STX2: variants seen among roughly 807,000 people sequenced by gnomAD.
STX2 encodes the protein syntaxin-2.
In STX2, 27 loss-of-function variants were observed where a neutral mutation model predicts 40.6. The observed-to-expected ratio is 0.66, with a 90% CI of 0.49 to 0.92. The LOEUF is 0.92. Among genes scored for constraint, STX2 ranks in the 40% least tolerant of loss-of-function variants. STX2 has a pLI of 0.00. For missense variants in STX2, 328 were observed against 366.1 expected (o/e 0.90, Z 0.85); for synonymous variants, 123 against 119.1 (o/e 1.03, Z -0.22).
intron 5 of STX2, among the ~76,000 whole-genome samples, chr12:130,808,345 C>T (rs1207769947): frequency 6.6e-6 from 1 of 152,154 alleles, no homozygotes; most frequent in Non-Finnish European, 1.5e-5. Context: ...CTCCTGCCCG[C>T]TCTTTCCCCT....
chr12:130,794,691 A>G (rs1313674844), intron 10 of STX2, among the ~76,000 whole-genome samples: 1 of 151,958 alleles, frequency 6.6e-6, no homozygotes, highest in Non-Finnish European at 1.5e-5. Context: ...TTTTCTGTAG[A>G]GACAGGGTGT....
At chr12:130,819,247 C>T (rs1593167241) in intron 3 of STX2, among the ~76,000 whole-genome samples, 1 of 152,218 alleles carries the variant, frequency 6.6e-6, no homozygotes, top group East Asian at 1.9e-4. Flanking sequence ...TCACCGGGAC[C>T]TAAGCAGAGC....
chr12:130,792,154 G>A lies in STX2; in HGVS notation c.*46-177C>T, dbSNP rs781583475. On this transcript the variant is annotated intron_variant, in intron 10 of 10. Transcript: ENST00000392373. The stretch of plus-strand genomic sequence containing the variant: ...TGGCTCACAGCAACCTCTGCCTTCC[G>A]GGTTCAAGTGATTCTCCTGCCTCAG... Among the ~76,000 whole-genome samples the A allele has an allele frequency of 1.4e-4, 21 of 152,252 alleles. No individual in the cohort carries two copies. In the South Asian group the frequency reaches 1.5e-3, roughly 11 times the overall value.
In STX2 at chr12:130,790,496, T is replaced by C. The variant is rs1950850782; in HGVS notation, c.*1527A>G. The C allele has an allele frequency of 6.6e-6, 1 of 152,176 alleles. No individual in the cohort carries two copies. Among genetic ancestry groups the C allele is most frequent in the African/African-American group, 2.4e-5 (1 of 41,440 alleles). 9.4% of individuals were successfully genotyped at this position (152,176 alleles called of 1,614,324 possible). On this transcript the variant is annotated 3_prime_UTR_variant, in exon 11 of 11. Coordinates refer to ENST00000392373, the MANE Select transcript of STX2 (RefSeq NM_194356.4). ...GATGTCCGCTCACCAGTTCATACATTTTACAAGTCTAAAAATAAGTGATAT... is the reference window on the plus strand; with the variant it reads ...GATGTCCGCTCACCAGTTCATACATCTTACAAGTCTAAAAATAAGTGATAT...
intron 6 of STX2, among the ~76,000 whole-genome samples, chr12:130,802,850 A>G (rs1477389023): frequency 6.6e-6 from 1 of 152,264 alleles, no homozygotes; most frequent in African/African-American, 2.4e-5. Flanking sequence ...GAAAGAAGTC[A>G]GTCACAGAAC....
intron 3 of STX2, among the ~76,000 whole-genome samples, chr12:130,819,192 TGACG>T (rs1393621058): frequency 6.6e-6 from 1 of 152,126 alleles, no homozygotes; most frequent in Non-Finnish European, 1.5e-5. Context: ...GTCCTGAGGT[TGACG>T]GGGGACCTCC....
chr12:130,834,052 G>A (rs1565941321), intron 1 of STX2, among the ~76,000 whole-genome samples: 1 of 152,184 alleles, frequency 6.6e-6, no homozygotes, highest in Non-Finnish European at 1.5e-5. Flanking sequence ...AGGAAAGGGA[G>A]GCAGGAAGGC....
intron 1 of STX2, among the ~76,000 whole-genome samples, chr12:130,837,026 C>T (rs1952774806): frequency 6.6e-6 from 1 of 151,786 alleles, no homozygotes; most frequent in East Asian, 1.9e-4. Context: ...AGAAAACGTA[C>T]TTTCTCACGA....
rs1232716407 is a variant in STX2 at position 130,789,681 on chromosome 12, G to A, written c.*2342C>T. ...TTTCCAGAAATGACAAGGCAGGAAA[G>A]TGAATACTTTTATGCTTCTCTGGAA... is the stretch of plus-strand genomic sequence containing the variant. On this transcript the variant is annotated 3_prime_UTR_variant, in exon 11 of 11. Coordinates refer to ENST00000392373, the MANE Select transcript of STX2 (RefSeq NM_194356.4). 1 of 152,618 alleles carries A rather than the reference G, an allele frequency of 6.6e-6. No individual in the cohort carries two copies. Among genetic ancestry groups the A allele is most frequent in the East Asian group, 1.9e-4 (1 of 5,200 alleles). 9.5% of individuals were successfully genotyped at this position (152,618 alleles called of 1,614,324 possible).
chr12:130,798,543 A>G lies in STX2; in HGVS notation c.768T>C (p.Tyr256=), dbSNP rs370800163. Residue 256 remains tyrosine (Y), a synonymous_variant, in exon 9 of 11, where the codon TAT becomes TAC. Coordinates refer to ENST00000392373, the MANE Select transcript of STX2 (RefSeq NM_194356.4). ...AKEETKKAIK[Y]QSKARRKKWI... ...AACTCACCCTTCTTGCCTTGCTCTG[A>G]TATTTGATAGCTTTTTTTGTTTCTT... 8.7e-6 allele frequency: 14 copies of G among 1,603,008 alleles called. No individual in the cohort carries two copies. Among genetic ancestry groups the G allele is most frequent in the Middle Eastern group, 1.7e-4 (1 of 6,046 alleles).
At chr12:130,815,876 T>C (rs1008812964) in intron 3 of STX2, among the ~76,000 whole-genome samples, 8 of 152,226 alleles carry the variant, frequency 5.3e-5, no homozygotes, top group Non-Finnish European at 1.2e-4. Flanking sequence ...TTGGATATTA[T>C]ATGTTTTTTT....
At chr12:130,811,214 C>T (rs2136282431) in intron 4 of STX2, among the ~76,000 whole-genome samples, 1 of 151,972 alleles carries the variant, frequency 6.6e-6, no homozygotes, top group East Asian at 2.0e-4. Context: ...AAAAATTAGC[C>T]AGGCGTGGTG....
chr12:130,804,785 A>T (rs959490453), intron 6 of STX2, among the ~76,000 whole-genome samples: 1 of 151,786 alleles, frequency 6.6e-6, no homozygotes, highest in East Asian at 1.9e-4. Flanking sequence ...ACTAAAAAAA[A>T]CTCCCAACAC....
At chr12:130,833,801 A>C (rs370873356) in intron 1 of STX2, among the ~76,000 whole-genome samples, 3 of 152,210 alleles carry the variant, frequency 2.0e-5, no homozygotes, top group Admixed American at 6.5e-5. Flanking sequence ...AACAGATTCC[A>C]GTGGCATCTA....
chr12:130,797,988 C>T (rs968011279), intron 9 of STX2, among the ~76,000 whole-genome samples: 3 of 152,240 alleles, frequency 2.0e-5, no homozygotes, highest in African/African-American at 7.2e-5. Context: ...TGCCTCACGC[C>T]TGTAATCCCA....
intron 2 of STX2, among the ~76,000 whole-genome samples, chr12:130,822,457 G>A (rs1024689462): frequency 6.6e-6 from 1 of 152,076 alleles, no homozygotes; most frequent in African/African-American, 2.4e-5. Context: ...ACTCTTATGG[G>A]AGGAGGTATC....
Position 130,837,409 on chromosome 12 carries a change from G to A in STX2, c.30+1661C>T, listed in dbSNP as rs1021753770. Among the ~76,000 whole-genome samples, 3 of 152,034 alleles carry A rather than the reference G, an allele frequency of 2.0e-5. No homozygotes were observed. In the East Asian group the frequency reaches 5.8e-4, roughly 29 times the overall value. On this transcript the variant is annotated intron_variant, in intron 1 of 10. Transcript: ENST00000392373. ...CCTGGATTCAAGCGATGCTCCTGCC[G>A]CAGCCTCCAGAGTAGCTGGGACTAC... is the stretch of plus-strand genomic sequence containing the variant.
At chr12:130,818,319 G>A (rs905033123) in intron 3 of STX2, among the ~76,000 whole-genome samples, 3 of 149,820 alleles carry the variant, frequency 2.0e-5, no homozygotes, top group African/African-American at 7.5e-5. Flanking sequence ...TGCAGTGGCA[G>A]TGGGCTGAGA....
intron 9 of STX2, among the ~76,000 whole-genome samples, chr12:130,796,674 C>A (rs1423231831): frequency 1.3e-5 from 2 of 152,138 alleles, no homozygotes; most frequent in African/African-American, 4.8e-5. Flanking sequence ...ACGACCAAGT[C>A]ATTTTGCCAC....
Sources: gnomAD v4.1 joint callset for allele counts (sites outside exome capture counted in the v4.1 genomes callset) on GRCh38, gnomAD v4.1.1 for gene constraint, MANE v1.5 for transcripts, NCBI Gene and HGNC (gene_info 2026-07-23, HGNC 2026-07-21) for gene names.